Variants in CNTNAP5 observed in about 807,000 individuals in gnomAD.
The protein encoded by CNTNAP5 is contactin associated protein family member 5, also known as contactin-associated protein-like 5.
CNTNAP5 carries 72 observed loss-of-function variants against 150.2 expected under a neutral mutation model. The observed-to-expected ratio is 0.48, with a 90% confidence interval of 0.40 to 0.58. The LOEUF is 0.58. Among genes scored for constraint, CNTNAP5 ranks in the 20% least tolerant of loss-of-function variants. The pLI is 0.00. For missense variants in CNTNAP5, 1,636 were observed against 1,626.2 expected, an observed-to-expected ratio of 1.01 and a Z score of -0.10; for synonymous variants, 672 against 619.8, an observed-to-expected ratio of 1.08 and a Z score of -1.25.
At chr2:124,356,149 C>A (rs540050815) in intron 3 of CNTNAP5, among the ~76,000 whole-genome samples, 3 of 151,966 alleles carry the variant, frequency 2.0e-5, no homozygotes, top group Non-Finnish European at 4.4e-5. Context: ...CAGTACAAAT[C>A]TTATAAAAAT....
At chr2:124,618,293 A>C (rs900113987) in intron 12 of CNTNAP5, among the ~76,000 whole-genome samples, 1 of 152,256 alleles carries the variant, frequency 6.6e-6, no homozygotes, top group East Asian at 1.9e-4. Context: ...ACAGACTAAG[A>C]GGTAGCAACA....
intron 17 of CNTNAP5, among the ~76,000 whole-genome samples, chr2:124,780,482 G>T (rs1334209658): frequency 6.6e-6 from 1 of 152,164 alleles, no homozygotes; most frequent in African/African-American, 2.4e-5. Context: ...GCTGAATGCA[G>T]GTCCTTATAA....
chr2:124,473,791 A>G (rs1257998215), intron 6 of CNTNAP5, among the ~76,000 whole-genome samples: 4 of 152,054 alleles, frequency 2.6e-5, no homozygotes, highest in African/African-American at 7.2e-5. Flanking sequence ...ATTCTTTTTC[A>G]TAGTAGAAAA....
At chr2:124,310,486 G>C (rs373244675) in intron 3 of CNTNAP5, among the ~76,000 whole-genome samples, 17 of 152,122 alleles carry the variant, frequency 1.1e-4, no homozygotes, top group African/African-American at 4.1e-4. Flanking sequence ...TCCCATTACA[G>C]TTTAATTTCC....
At chr2:124,175,557 T>G (rs1051148138) in intron 1 of CNTNAP5, among the ~76,000 whole-genome samples, 1 of 152,172 alleles carries the variant, frequency 6.6e-6, no homozygotes, top group Non-Finnish European at 1.5e-5. Flanking sequence ...GTAGTGAGCA[T>G]AGTACCCAAT....
intron 8 of CNTNAP5, among the ~76,000 whole-genome samples, chr2:124,521,918 T>G (rs1694855225): frequency 6.6e-6 from 1 of 152,152 alleles, no homozygotes; most frequent in South Asian, 2.1e-4. Context: ...TGGTCTTGTC[T>G]GAGGACAACT....
chr2:124,649,220 T>C (rs17011823), intron 13 of CNTNAP5, among the ~76,000 whole-genome samples: 1,876 of 152,298 alleles, frequency 0.012, 33 homozygotes, highest in African/African-American at 0.04. Flanking sequence ...GTACTCTCCT[T>C]AGATTCAGCC....
In CNTNAP5 at chr2:124,255,941, G is replaced by T. The variant is rs114416502; in HGVS notation, c.381+13548G>T. ...ATTTTCAAGAAACATTAGCTAGGTA[G>T]GTATTGTGACAAGTCACAAGATTGT... is the stretch of plus-strand genomic sequence containing the variant. On this transcript the variant is annotated intron_variant, in intron 3 of 23. Coordinates refer to ENST00000682447, the MANE Select transcript of CNTNAP5 (RefSeq NM_001367498.1). 2.7e-3 allele frequency among the ~76,000 whole-genome samples: 405 copies of T among 152,190 alleles called. 4 individuals are homozygous for T. The highest frequency in any genetic ancestry group is 9.1e-3 in the African/African-American group (378 of 41,520).
intron 6 of CNTNAP5, among the ~76,000 whole-genome samples, chr2:124,473,209 G>T (rs930139041): frequency 6.6e-5 from 10 of 151,878 alleles, no homozygotes; most frequent in Non-Finnish European, 1.0e-4. Context: ...ACCTTAGTTG[G>T]AGGACTTTAT....
At chr2:124,696,473 T>C (rs1019698745) in intron 13 of CNTNAP5, among the ~76,000 whole-genome samples, 2 of 152,210 alleles carry the variant, frequency 1.3e-5, no homozygotes, top group Admixed American at 6.5e-5. Context: ...AGTCTTTAAA[T>C]GACCAGTGAA....
chr2:124,709,761 C>T (rs1679767820), intron 13 of CNTNAP5, among the ~76,000 whole-genome samples: 1 of 152,012 alleles, frequency 6.6e-6, no homozygotes, highest in Non-Finnish European at 1.5e-5. Flanking sequence ...ATTAATCCAC[C>T]AGATAATTAA....
chr2:124,222,211 G>A (rs2104741375), intron 2 of CNTNAP5, among the ~76,000 whole-genome samples: 1 of 152,012 alleles, frequency 6.6e-6, no homozygotes. Context: ...TAATATTGCT[G>A]ATTTTTAAAA....
intron 3 of CNTNAP5, among the ~76,000 whole-genome samples, chr2:124,388,011 C>G (rs1386591164): frequency 6.7e-6 from 1 of 148,220 alleles, no homozygotes; most frequent in Non-Finnish European, 1.5e-5. Context: ...GGTGACATTT[C>G]AAACTAGCCA....
intron 11 of CNTNAP5, among the ~76,000 whole-genome samples, chr2:124,565,629 T>C (rs1696005364): frequency 8.4e-6 from 1 of 118,446 alleles, no homozygotes; most frequent in Non-Finnish European, 1.6e-5. Flanking sequence ...AGATGGAGTC[T>C]TGCTCTGTCA....
chr2:124,590,000 G>A (rs1696644314), intron 11 of CNTNAP5, among the ~76,000 whole-genome samples: 1 of 152,088 alleles, frequency 6.6e-6, no homozygotes, highest in Non-Finnish European at 1.5e-5. Context: ...ATGGGTTAAT[G>A]CTGTTATTAT....
At chr2:124,255,057 G>A (rs1687273530) in intron 3 of CNTNAP5, among the ~76,000 whole-genome samples, 1 of 152,156 alleles carries the variant, frequency 6.6e-6, no homozygotes, top group African/African-American at 2.4e-5. Context: ...TTAGCAAGGA[G>A]AGGTCAGGAA....
chr2:124,683,916 G>A (rs1679126758), intron 13 of CNTNAP5, among the ~76,000 whole-genome samples: 1 of 152,138 alleles, frequency 6.6e-6, no homozygotes, highest in East Asian at 1.9e-4. Flanking sequence ...GCCACTGGGA[G>A]GTAGTAATTT....
chr2:124,495,991 T>A (rs1434570593), intron 7 of CNTNAP5, among the ~76,000 whole-genome samples: 3 of 152,150 alleles, frequency 2.0e-5, no homozygotes, highest in Admixed American at 1.3e-4. Context: ...TGGTCATAGC[T>A]GTGATGACAT....
intron 1 of CNTNAP5, among the ~76,000 whole-genome samples, chr2:124,172,779 C>CTGTG (rs59743272): frequency 2.0e-5 from 3 of 149,328 alleles, no homozygotes; most frequent in African/African-American, 7.4e-5. Flanking sequence ...CTCTCTCTCT[C>CTGTG]TGTGTGTGTG....
Sources: allele counts gnomAD v4.1 joint callset (sites outside exome capture counted in the v4.1 genomes callset), GRCh38; gene constraint gnomAD v4.1.1; transcripts MANE v1.5; gene names NCBI Gene and HGNC (gene_info 2026-07-23, HGNC 2026-07-21).